The following EFR3A variants were observed in gnomAD, a reference collection of about 807,000 sequenced individuals.
EFR3A encodes protein EFR3 homolog A.
Under a neutral mutation model 104.4 loss-of-function variants are expected in EFR3A, and 76 were observed. The observed-to-expected ratio is 0.73, with a 90% CI of 0.60 to 0.88. The LOEUF is 0.88. EFR3A is among the 40% of genes least tolerant of loss of function. The probability of loss-of-function intolerance (pLI) is 0.00; values close to 1 mark genes in which losing one functional copy is unlikely to be tolerated. For missense variants in EFR3A, 985 were observed against 1,012.5 expected (o/e 0.97, Z 0.37); for synonymous variants, 330 against 330.0 (o/e 1.00, Z 0.00).
At chr8:131,944,507 G>C (rs1818323543) in intron 2 of EFR3A, among the ~76,000 whole-genome samples, 1 of 152,008 alleles carries the variant, frequency 6.6e-6, no homozygotes, top group African/African-American at 2.4e-5. Flanking sequence ...AAAGGAAGAT[G>C]TTAGAGTCTA....
At chr8:131,915,961 G>A (rs568636924) in intron 1 of EFR3A, among the ~76,000 whole-genome samples, 2 of 152,326 alleles carry the variant, frequency 1.3e-5, no homozygotes, top group South Asian at 2.1e-4. Flanking sequence ...ACACCAACAG[G>A]GGTGTCGTCC....
chr8:131,923,639 C>G (rs1287039299), intron 1 of EFR3A, among the ~76,000 whole-genome samples: 4 of 151,548 alleles, frequency 2.6e-5, no homozygotes, highest in Admixed American at 1.3e-4. Context: ...TTTTATTTAC[C>G]AAGAACTTCA....
At chr8:131,980,163 A>G (rs756133173) in intron 14 of EFR3A, among the ~76,000 whole-genome samples, 4 of 152,022 alleles carry the variant, frequency 2.6e-5, no homozygotes, top group African/African-American at 9.7e-5. Flanking sequence ...AAGGAGACAG[A>G]GCCCCGTAGG....
At chr8:131,949,864 A>G (rs1818611555) in intron 4 of EFR3A, 105 bp from the exon 5 acceptor site, 1 of 1,045,144 alleles carries the variant, frequency 9.6e-7, no homozygotes, top group Non-Finnish European at 1.4e-6. Context: ...TTTGTTTGTT[A>G]CTTATTTTTA....
rs555558004 is a variant in EFR3A, at chr8:131,966,359, A to G, written c.856-1936A>G. Among the ~76,000 whole-genome samples, 280 of 152,274 alleles carry G rather than the reference A, an allele frequency of 1.8e-3. 2 individuals are homozygous for G. The highest frequency in any genetic ancestry group is 6.5e-3 in the African/African-American group (271 of 41,568). ...AGAACTGTTTATGTAAATAATACAT[A>G]TATAGTACTTAGAAGAGTGCCAGTG... On this transcript the variant is annotated intron_variant, in intron 8 of 22. Coordinates refer to ENST00000254624, the MANE Select transcript of EFR3A (RefSeq NM_015137.6).
chr8:132,001,374 A>G (rs1381155504), intron 19 of EFR3A, among the ~76,000 whole-genome samples: 1 of 152,210 alleles, frequency 6.6e-6, no homozygotes, highest in Non-Finnish European at 1.5e-5. Context: ...ATTTATGTAT[A>G]ATCTCAGCCT....
Position 132,010,931 on chromosome 8 carries a change from G to T in EFR3A, c.*36G>T. On this transcript the variant is annotated 3_prime_UTR_variant, in exon 23 of 23. Transcript: ENST00000254624. ...AAGACCTCAGGATATGATTTGTAAA[G>T]CCTAAAAATTAAGGCCAAGCTGAGC... The T allele has an allele frequency of 2.0e-6, 3 of 1,537,730 alleles. No individual in the cohort carries two copies. The highest frequency in any genetic ancestry group is 2.7e-6 in the Non-Finnish European group (3 of 1,127,268).
chr8:131,990,570 A>T, intron 18 of EFR3A, among the ~76,000 whole-genome samples: 1 of 152,094 alleles, frequency 6.6e-6, no homozygotes. Context: ...ACTAGTTTGA[A>T]CTCTGTTCTG....
chr8:131,982,472 A>G (rs1431201482), intron 14 of EFR3A, among the ~76,000 whole-genome samples: 2 of 152,134 alleles, frequency 1.3e-5, no homozygotes, highest in African/African-American at 2.4e-5. Flanking sequence ...TGTGCTGTAT[A>G]TAACTCCCAT....
intron 1 of EFR3A, among the ~76,000 whole-genome samples, chr8:131,919,595 CAAAAAAAAAA>C (rs1054823834): frequency 5.6e-5 from 3 of 53,880 alleles, no homozygotes; most frequent in Admixed American, 4.0e-4. Context: ...GACTCCGTCT[CAAAAAAAAAA>C]AAAAAAAAAA....
rs181757257 is a variant in EFR3A, at chr8:131,916,661, G to A, written c.10+12339G>A. The stretch of plus-strand genomic sequence containing the variant: ...GAGTGAGGCACAGGAACCGAAGAGG[G>A]AGCAGGTGGGTCATTTTTTAAACAA... On this transcript the variant is annotated intron_variant, in intron 1 of 22. Transcript: ENST00000254624. Among the ~76,000 whole-genome samples the A allele has an allele frequency of 2.2e-4, 33 of 152,318 alleles. No homozygotes were observed. The East Asian group carries it at 2.7e-3, about 12-fold the overall frequency.
chr8:131,906,590 G>A (rs550583192), intron 1 of EFR3A, among the ~76,000 whole-genome samples: 26 of 152,296 alleles, frequency 1.7e-4, no homozygotes, highest in African/African-American at 6.0e-4. Context: ...AGAATCCAGT[G>A]AAGCATGCAG....
At chr8:131,962,148 C>T (rs1819386323) in intron 8 of EFR3A, among the ~76,000 whole-genome samples, 2 of 152,158 alleles carry the variant, frequency 1.3e-5, no homozygotes, top group South Asian at 4.2e-4. Flanking sequence ...GAAACTGCAT[C>T]AACTAACGAG....
intron 1 of EFR3A, among the ~76,000 whole-genome samples, chr8:131,930,629 G>C (rs1355550778): frequency 1.3e-5 from 2 of 152,010 alleles, no homozygotes; most frequent in Non-Finnish European, 2.9e-5. Flanking sequence ...AGTCTGCTAA[G>C]TATTCATTTA....
chr8:132,011,909 A>G lies in EFR3A; in HGVS notation c.*1014A>G, dbSNP rs1822362902. 1 of 152,188 alleles carries G rather than the reference A, an allele frequency of 6.6e-6. No individual in the cohort carries two copies. Among genetic ancestry groups the G allele is most frequent in the African/African-American group, 2.4e-5 (1 of 41,446 alleles). 9.4% of individuals were successfully genotyped at this position (152,188 alleles called of 1,614,324 possible). A position where few individuals can be genotyped will look rare whatever the true frequency, so the allele number is the denominator to read the frequency against. ...TGTATACATCTGTTTAGAATCAATT[A>G]TATTTGAAAAGCTGCCTGTGTTTTA... On this transcript the variant is annotated 3_prime_UTR_variant, in exon 23 of 23. Coordinates refer to ENST00000254624, the MANE Select transcript of EFR3A (RefSeq NM_015137.6).
chr8:131,979,513 T>A, intron 14 of EFR3A, 92 bp downstream of exon 14: 1 of 918,060 alleles, frequency 1.1e-6, no homozygotes, highest in African/African-American at 1.7e-5. Context: ...CCCTTGAAAT[T>A]AAGCCATAGA....
chr8:131,940,567 G>T lies in EFR3A; in HGVS notation c.79G>T (p.Asp27Tyr). The T allele has an allele frequency of 6.2e-7, 1 of 1,607,068 alleles. No homozygotes were observed. Among genetic ancestry groups the T allele is most frequent in the South Asian group, 1.1e-5 (1 of 89,812 alleles). ...CCTGGTGGACAACATATTCCCTGAA[G>T]ATCCAAAAGTAATTTGATCTACATC... Reference protein sequence around the residue: ...KRLVDNIFPEDPKDGLVKTDM... With the variant: ...KRLVDNIFPEYPKDGLVKTDM... Residue 27 changes from aspartate (D) to tyrosine (Y), a missense_variant, in exon 2 of 23, where the codon GAT becomes TAT. Asp to Tyr is a radical substitution (Grantham distance 160, BLOSUM62 -3). Coordinates refer to ENST00000254624, the MANE Select transcript of EFR3A (RefSeq NM_015137.6).
intron 18 of EFR3A, among the ~76,000 whole-genome samples, chr8:131,991,328 G>T (rs1228118007): frequency 2.6e-5 from 4 of 152,128 alleles, no homozygotes. Flanking sequence ...TTGAGACTTG[G>T]GTGGGGACAC....
At position 131,955,844 on chromosome 8, in the gene EFR3A, A is replaced by T. The variant is rs374531339; in HGVS notation, c.715A>T (p.Arg239Ter). Reference protein sequence around the residue: ...NPAVLAENCFRELLGRATFGN... With the variant: ...NPAVLAENCF The stretch of plus-strand genomic sequence containing the variant: ...TGCTGTGCTGGCTGAAAACTGTTTC[A>T]GAGAACTGCTGGGTCGAGCAACTTT... Residue 239 changes from arginine (R) to a stop codon, truncating the protein, a stop_gained, in exon 7 of 23, where the codon AGA (arginine) becomes TGA (stop). Transcript: ENST00000254624. LOFTEE classifies it high-confidence loss of function. 4 of 1,613,494 alleles carry T rather than the reference A, an allele frequency of 2.5e-6. No individual in the cohort carries two copies. Among genetic ancestry groups the T allele is most frequent in the Non-Finnish European group, 3.4e-6 (4 of 1,179,652 alleles).
Sources: gnomAD v4.1 joint callset for allele counts (sites outside exome capture counted in the v4.1 genomes callset) on GRCh38, gnomAD v4.1.1 for gene constraint, MANE v1.5 for transcripts, NCBI Gene and HGNC (gene_info 2026-07-23, HGNC 2026-07-21) for gene names.